SUSD4: variants seen among roughly 807,000 people sequenced by gnomAD.
SUSD4 encodes the protein sushi domain-containing protein 4.
Under a neutral mutation model 50.5 loss-of-function variants are expected in SUSD4, and 41 were observed. That is an observed-to-expected ratio of 0.81 (90% CI 0.63 to 1.05). The LOEUF is 1.05. SUSD4 is among the 50% of genes least tolerant of loss of function. The probability of loss-of-function intolerance (pLI) is 0.00; values close to 1 mark genes in which losing one functional copy is unlikely to be tolerated. For missense variants in SUSD4, 580 were observed against 634.7 expected (o/e 0.91, Z 0.93); for synonymous variants, 257 against 257.3 (o/e 1.00, Z 0.01).
Position 223,332,343 on chromosome 1 carries a change from A to G in SUSD4, c.148+30935T>C, listed in dbSNP as rs1667221567. On this transcript the variant is annotated intron_variant, in intron 2 of 8. Coordinates refer to ENST00000366878, the MANE Select transcript of SUSD4 (RefSeq NM_017982.4). This position sits in a 1 kb window ranked among gnomAD's most constrained non-coding sequence, Gnocchi z 4.0. ...ATCATAGTGTATGTATAAATGGCAT[A>G]TCTATATTCAGACACGGTACCTGAA... Among the ~76,000 whole-genome samples, 1 of 152,202 alleles carries G rather than the reference A, an allele frequency of 6.6e-6. No homozygotes were observed. The highest frequency in any genetic ancestry group is 1.5e-5 in the Non-Finnish European group (1 of 68,036).
At chr1:223,356,946 A>C (rs1668702114) in intron 2 of SUSD4, among the ~76,000 whole-genome samples, 1 of 152,252 alleles carries the variant, frequency 6.6e-6, no homozygotes, top group Non-Finnish European at 1.5e-5. Flanking sequence ...TGTCCAAGTT[A>C]CATGAAAAAG....
At chr1:223,278,191 A>T (rs35345711) in intron 3 of SUSD4, among the ~76,000 whole-genome samples, 75,408 of 151,926 alleles carry the variant, frequency 0.5, 20,934 homozygotes, top group African/African-American at 0.76. Context: ...CAGGTTCATC[A>T]CACTGGGGCT....
At chr1:223,289,621 G>A (rs185478253) in intron 3 of SUSD4, among the ~76,000 whole-genome samples, 2 of 152,282 alleles carry the variant, frequency 1.3e-5, no homozygotes, top group East Asian at 1.9e-4. Flanking sequence ...AGGAGTCCAG[G>A]TAACAGTGAC....
At chr1:223,249,187 C>T (rs995339173) in intron 5 of SUSD4, among the ~76,000 whole-genome samples, 1 of 152,140 alleles carries the variant, frequency 6.6e-6, no homozygotes, top group Non-Finnish European at 1.5e-5. Context: ...ACAGTCAGGA[C>T]TCCTAAAGGT....
chr1:223,313,592 G>T (rs570782952), intron 2 of SUSD4, among the ~76,000 whole-genome samples: 1 of 152,174 alleles, frequency 6.6e-6, no homozygotes, highest in South Asian at 2.1e-4. Flanking sequence ...CTTGAATAGG[G>T]GCTGAGTAAA....
chr1:223,250,365 G>A (rs997371941), intron 5 of SUSD4, among the ~76,000 whole-genome samples: 1 of 152,144 alleles, frequency 6.6e-6, no homozygotes, highest in Non-Finnish European at 1.5e-5. Context: ...TCACAAGAAC[G>A]TACTATGAGG....
intron 2 of SUSD4, among the ~76,000 whole-genome samples, chr1:223,298,848 C>A (rs1050183724): frequency 2.0e-5 from 3 of 152,208 alleles, no homozygotes; most frequent in African/African-American, 7.2e-5. Flanking sequence ...AGAACATTCC[C>A]ATGCACTTCC....
intron 2 of SUSD4, among the ~76,000 whole-genome samples, chr1:223,298,511 T>G (rs1664981817): frequency 6.6e-6 from 1 of 152,170 alleles, no homozygotes. Context: ...CACGAGGGAT[T>G]TGACTGAGAC....
At chr1:223,281,669 G>A (rs1425946816) in intron 3 of SUSD4, among the ~76,000 whole-genome samples, 3 of 152,130 alleles carry the variant, frequency 2.0e-5, no homozygotes, top group East Asian at 1.9e-4. Flanking sequence ...ACAAGGAGGA[G>A]CTGGTACCAT....
At chr1:223,272,957 C>CA (rs1663017618) in intron 3 of SUSD4, among the ~76,000 whole-genome samples, 1 of 152,102 alleles carries the variant, frequency 6.6e-6, no homozygotes, top group Non-Finnish European at 1.5e-5. Flanking sequence ...AAGTAGCAGG[C>CA]AACACTCACT....
At chr1:223,246,751 A>G (rs1286048647) in intron 5 of SUSD4, among the ~76,000 whole-genome samples, 1 of 152,142 alleles carries the variant, frequency 6.6e-6, no homozygotes, top group Non-Finnish European at 1.5e-5. Context: ...GTGTGAGGCA[A>G]GGCCACCACT....
At chr1:223,356,789 T>C (rs2102592771) in intron 2 of SUSD4, among the ~76,000 whole-genome samples, 1 of 152,224 alleles carries the variant, frequency 6.6e-6, no homozygotes, top group Middle Eastern at 3.4e-3. Context: ...TCTCTTGAAA[T>C]TTAACAAACA....
chr1:223,285,217 G>T (rs1664057145), intron 3 of SUSD4, among the ~76,000 whole-genome samples: 1 of 152,154 alleles, frequency 6.6e-6, no homozygotes, highest in African/African-American at 2.4e-5. Flanking sequence ...TCTTGTTGGG[G>T]ACAGGAAAAC....
At chr1:223,236,546 C>T (rs1034839665) in intron 5 of SUSD4, among the ~76,000 whole-genome samples, 9 of 142,126 alleles carry the variant, frequency 6.3e-5, no homozygotes, top group Non-Finnish European at 1.1e-4. Context: ...CTGTGTCTAG[C>T]TTTTTTTTTT....
intron 4 of SUSD4, among the ~76,000 whole-genome samples, chr1:223,268,047 A>T (rs1187251950): frequency 6.7e-5 from 4 of 59,710 alleles, no homozygotes; most frequent in Non-Finnish European, 1.7e-4. Flanking sequence ...ATATATACAC[A>T]CACACTGTTA....
intron 2 of SUSD4, among the ~76,000 whole-genome samples, chr1:223,292,992 G>A (rs892375775): frequency 1.3e-5 from 2 of 152,182 alleles, no homozygotes; most frequent in African/African-American, 2.4e-5. Context: ...GTAGGTGGGA[G>A]GGATTCAAGG....
At chr1:223,300,238 G>A (rs1245729385) in intron 2 of SUSD4, among the ~76,000 whole-genome samples, 1 of 152,156 alleles carries the variant, frequency 6.6e-6, no homozygotes, top group Non-Finnish European at 1.5e-5. Context: ...CAGCATTTGT[G>A]ACCTCAGGAA....
chr1:223,236,300 G>GTCT (rs1412593150), intron 5 of SUSD4, among the ~76,000 whole-genome samples: 1 of 152,148 alleles, frequency 6.6e-6, no homozygotes, highest in Non-Finnish European at 1.5e-5. Context: ...TGTGTGGCTT[G>GTCT]TCTTCTCATT....
At chr1:223,362,929 C>CCT in intron 2 of SUSD4, among the ~76,000 whole-genome samples, 1 of 19,380 alleles carries the variant, frequency 5.2e-5, no homozygotes, top group Non-Finnish European at 1.8e-4. Flanking sequence ...TCCCCACTGC[C>CCT]CCCACCCCCC....
Sources: allele counts gnomAD v4.1 joint callset (sites outside exome capture counted in the v4.1 genomes callset), GRCh38; gene constraint gnomAD v4.1.1; non-coding constraint Gnocchi (gnomAD v3.1); transcripts MANE v1.5; gene names NCBI Gene and HGNC (gene_info 2026-07-23, HGNC 2026-07-21).